BMP6: variants seen among roughly 807,000 people sequenced by gnomAD.
The protein encoded by BMP6 is VG-1-R.
A neutral mutation model predicts 54.1 loss-of-function variants in BMP6; 17 were observed. The ratio of observed to expected loss-of-function variants is 0.31; its 90% CI spans 0.22 to 0.47. The LOEUF is 0.47. BMP6 is among the 20% of genes least tolerant of loss of function. The pLI, the probability that BMP6 is intolerant of heterozygous loss-of-function variation, is 1.00. For missense variants in BMP6, 720 were observed against 690.4 expected, an observed-to-expected ratio of 1.04 and a Z score of -0.48; for synonymous variants, 328 against 291.2, an observed-to-expected ratio of 1.13 and a Z score of -1.28.
chr6:7,764,897 ATCT>A (rs1282147383), intron 1 of BMP6, among the ~76,000 whole-genome samples: 1 of 152,088 alleles, frequency 6.6e-6, no homozygotes, highest in African/African-American at 2.4e-5. Context: ...ATGCCTGGAG[ATCT>A]TCTTAGCTTG....
At chr6:7,748,086 G>A (rs776391345) in intron 1 of BMP6, among the ~76,000 whole-genome samples, 3 of 152,214 alleles carry the variant, frequency 2.0e-5, no homozygotes, top group Non-Finnish European at 4.4e-5. Flanking sequence ...AAATTGGAGT[G>A]ATCTGGGATG....
chr6:7,858,006 G>A (rs1561793487), intron 2 of BMP6, among the ~76,000 whole-genome samples: 1 of 152,144 alleles, frequency 6.6e-6, no homozygotes, highest in Non-Finnish European at 1.5e-5. Flanking sequence ...ATCTACAGCT[G>A]ACACCAGCCA....
Position 7,849,412 on chromosome 6 carries a change from ACTT to A in BMP6, c.857+4084_857+4086del, listed in dbSNP as rs149174921. ...AAAAGTATTATATATTTGTCAGTTTACTTCTTTACTATTTTTTCTGTATTGCAT... is the reference window on the plus strand; with the variant it reads ...AAAAGTATTATATATTTGTCAGTTTACTTTACTATTTTTTCTGTATTGCAT... On this transcript the variant is annotated intron_variant, in intron 2 of 6. Coordinates refer to ENST00000283147, the MANE Select transcript of BMP6 (RefSeq NM_001718.6). Among the ~76,000 whole-genome samples, 54 of 152,284 alleles carry A rather than the reference ACTT, an allele frequency of 3.5e-4. No homozygotes were observed. In the East Asian group the frequency reaches 9.1e-3, roughly 26 times the overall value.
At chr6:7,808,621 T>G (rs1220290667) in intron 1 of BMP6, among the ~76,000 whole-genome samples, 1 of 152,152 alleles carries the variant, frequency 6.6e-6, no homozygotes, top group Non-Finnish European at 1.5e-5. Context: ...TTATTTACCT[T>G]CAAAAAGTTA....
intron 1 of BMP6, among the ~76,000 whole-genome samples, chr6:7,737,546 A>C (rs987032025): frequency 1.2e-4 from 19 of 152,068 alleles, no homozygotes; most frequent in African/African-American, 4.6e-4. Flanking sequence ...ATGCATGCAC[A>C]TACCTGTCAT....
chr6:7,772,065 A>C (rs542754888), intron 1 of BMP6, among the ~76,000 whole-genome samples: 2 of 148,528 alleles, frequency 1.3e-5, no homozygotes, highest in African/African-American at 2.5e-5. Context: ...AAAAAAAACC[A>C]AAAAAACAAA....
chr6:7,858,014 C>G (rs377298736), intron 2 of BMP6, among the ~76,000 whole-genome samples: 52 of 152,252 alleles, frequency 3.4e-4, no homozygotes, highest in African/African-American at 1.2e-3. Flanking sequence ...CTGACACCAG[C>G]CACCTCGGGC....
chr6:7,862,167 A>T, intron 3 of BMP6, 134 bp from the exon 4 acceptor site: 1 of 1,077,910 alleles, frequency 9.3e-7, no homozygotes, highest in South Asian at 1.5e-5. Flanking sequence ...AGGTTTGGGG[A>T]TACATGATCT....
At chr6:7,747,444 C>A (rs1417226868) in intron 1 of BMP6, among the ~76,000 whole-genome samples, 1 of 152,086 alleles carries the variant, frequency 6.6e-6, no homozygotes, top group African/African-American at 2.4e-5. Context: ...GGTCCCCAGG[C>A]CGAGGAATGC....
At chr6:7,851,915 C>G (rs770840448) in intron 2 of BMP6, among the ~76,000 whole-genome samples, 1 of 152,028 alleles carries the variant, frequency 6.6e-6, no homozygotes, top group Non-Finnish European at 1.5e-5. Flanking sequence ...GGAACAAGTT[C>G]AACTTGTGCT....
intron 2 of BMP6, among the ~76,000 whole-genome samples, chr6:7,856,510 TAAAG>T (rs1376022264): frequency 6.7e-6 from 1 of 149,628 alleles, no homozygotes; most frequent in Non-Finnish European, 1.5e-5. Context: ...TATGGAGAAA[TAAAG>T]AACAAGACCA....
chr6:7,729,471 A>G (rs1262911677), intron 1 of BMP6, among the ~76,000 whole-genome samples: 1 of 152,046 alleles, frequency 6.6e-6, no homozygotes, highest in African/African-American at 2.4e-5. Flanking sequence ...CTGGGAAAAC[A>G]ATTCCTGGGC....
chr6:7,818,713 C>T (rs190696173), intron 1 of BMP6, among the ~76,000 whole-genome samples: 9 of 152,350 alleles, frequency 5.9e-5, no homozygotes, highest in African/African-American at 1.7e-4. Context: ...AGCCTTGCCC[C>T]GTAGCCCTTG....
At chr6:7,753,517 C>T (rs1414774682) in intron 1 of BMP6, among the ~76,000 whole-genome samples, 1 of 152,212 alleles carries the variant, frequency 6.6e-6, no homozygotes, top group African/African-American at 2.4e-5. Flanking sequence ...ATCCAACCCA[C>T]AGCCCTCCTT....
rs1224538588 is a variant in BMP6, at chr6:7,880,943, A to G, written c.*600A>G. On this transcript the variant is annotated 3_prime_UTR_variant, in exon 7 of 7. Transcript: ENST00000283147. The stretch of plus-strand genomic sequence containing the variant: ...TGGAGTTTTGTTGGTGTGAAAATAC[A>G]CTTATTTCAGCCAAAACATACCATT... 1.3e-5 allele frequency: 2 copies of G among 154,696 alleles called. No homozygotes were observed. The highest frequency in any genetic ancestry group is 2.4e-5 in the African/African-American group (1 of 41,410). 9.6% of individuals were successfully genotyped at this position (154,696 alleles called of 1,614,324 possible).
At chr6:7,835,905 C>T (rs762953546) in intron 1 of BMP6, among the ~76,000 whole-genome samples, 1 of 151,802 alleles carries the variant, frequency 6.6e-6, no homozygotes. Context: ...GGCGTGATCT[C>T]GGCTCCCTGC....
chr6:7,791,021 C>A (rs1304265761), intron 1 of BMP6, among the ~76,000 whole-genome samples: 3 of 152,156 alleles, frequency 2.0e-5, no homozygotes, highest in Non-Finnish European at 4.4e-5. Flanking sequence ...CCCTAAAGCA[C>A]ATGTGTTCTC....
At chr6:7,737,838 G>A (rs1761977651) in intron 1 of BMP6, among the ~76,000 whole-genome samples, 1 of 152,038 alleles carries the variant, frequency 6.6e-6, no homozygotes. Flanking sequence ...TTAAGTAGCT[G>A]GTTTTCTTGA....
intron 1 of BMP6, among the ~76,000 whole-genome samples, chr6:7,796,794 AAAG>A (rs1271924446): frequency 6.6e-6 from 1 of 152,240 alleles, no homozygotes; most frequent in Admixed American, 6.5e-5. Flanking sequence ...TTTTTAAACA[AAAG>A]AAGGTTGCTG....
Sources: gnomAD v4.1 joint callset for allele counts (sites outside exome capture counted in the v4.1 genomes callset) on GRCh38, gnomAD v4.1.1 for gene constraint, MANE v1.5 for transcripts, NCBI Gene and HGNC (gene_info 2026-07-23, HGNC 2026-07-21) for gene names.